GXYLT1: variants seen among roughly 807,000 people sequenced by gnomAD.
The protein encoded by GXYLT1 is glucoside xylosyltransferase 1, also known as glycosyltransferase 8 domain containing 3.
GXYLT1 carries 29 observed loss-of-function variants against 54.0 expected under a neutral mutation model. The observed-to-expected ratio is 0.54, with a 90% confidence interval of 0.40 to 0.73. The LOEUF (loss-of-function observed/expected upper bound fraction) is 0.73, where lower values mean the gene tolerates loss of function less well. GXYLT1 is among the 30% of genes least tolerant of loss of function. GXYLT1 has a pLI of 0.00. For missense variants in GXYLT1, 490 were observed against 553.4 expected, an observed-to-expected ratio of 0.89 and a Z score of 1.15; for synonymous variants, 176 against 204.1, an observed-to-expected ratio of 0.86 and a Z score of 1.17.
At chr12:42,112,472 G>A (rs2065464243) in intron 3 of GXYLT1, among the ~76,000 whole-genome samples, 1 of 152,168 alleles carries the variant, frequency 6.6e-6, no homozygotes, top group Admixed American at 6.5e-5. Context: ...TGAAAACCAA[G>A]GCATGAGAGC....
At chr12:42,133,253 G>A (rs1453994003) in intron 1 of GXYLT1, among the ~76,000 whole-genome samples, 1 of 152,104 alleles carries the variant, frequency 6.6e-6, no homozygotes, top group Non-Finnish European at 1.5e-5. Flanking sequence ...ACTCCAGCAT[G>A]GGTGACAGAG....
chr12:42,125,949 C>A (rs1050653327), intron 2 of GXYLT1, among the ~76,000 whole-genome samples: 15 of 152,108 alleles, frequency 9.9e-5, no homozygotes, highest in African/African-American at 2.7e-4. Context: ...ATCACTTGAG[C>A]CCAGGAGGTC....
intron 7 of GXYLT1, among the ~76,000 whole-genome samples, chr12:42,094,004 C>G (rs745808757): frequency 8.6e-5 from 13 of 151,862 alleles, no homozygotes; most frequent in Non-Finnish European, 1.8e-4. Flanking sequence ...TATCCTATAA[C>G]CTGTTCTGTA....
intron 1 of GXYLT1, among the ~76,000 whole-genome samples, chr12:42,135,139 C>T (rs1372027838): frequency 6.6e-6 from 1 of 152,184 alleles, no homozygotes; most frequent in East Asian, 1.9e-4. Context: ...GATACTGTGG[C>T]ATCAAAGTAG....
intron 3 of GXYLT1, among the ~76,000 whole-genome samples, chr12:42,117,378 G>T (rs2065502495): frequency 6.6e-6 from 1 of 151,466 alleles, no homozygotes; most frequent in Admixed American, 6.6e-5. Flanking sequence ...CAGTAAGAAG[G>T]TATACTTTCA....
intron 4 of GXYLT1, 24 bp from the exon 5 acceptor site, chr12:42,106,093 AT>A: frequency 6.8e-7 from 1 of 1,462,598 alleles, no homozygotes; most frequent in Non-Finnish European, 9.3e-7. Context: ...TATTTGAATG[AT>A]TAACTATAAT....
chr12:42,133,699 C>T (rs575722973), intron 1 of GXYLT1, among the ~76,000 whole-genome samples: 39 of 152,248 alleles, frequency 2.6e-4, no homozygotes, highest in Non-Finnish European at 5.4e-4. Flanking sequence ...TTTGGTAAAT[C>T]AATAAATTTT....
chr12:42,099,711 A>G (rs2065378604), intron 5 of GXYLT1, among the ~76,000 whole-genome samples: 1 of 152,170 alleles, frequency 6.6e-6, no homozygotes, highest in Admixed American at 6.5e-5. Flanking sequence ...CTAGTCACGC[A>G]TGGTGGTACA....
At chr12:42,144,291 A>G in intron 1 of GXYLT1, 135 bp downstream of exon 1, 1 of 468,036 alleles carries the variant, frequency 2.1e-6, no homozygotes, top group Non-Finnish European at 3.4e-6. Context: ...GGAAGGAGGG[A>G]AATGAGTGAG....
At chr12:42,090,824 T>G (rs1258487481) in intron 7 of GXYLT1, among the ~76,000 whole-genome samples, 1 of 152,162 alleles carries the variant, frequency 6.6e-6, no homozygotes, top group Non-Finnish European at 1.5e-5. Flanking sequence ...GAAATATAAT[T>G]CAGAATGAAA....
At chr12:42,122,095 CAAAAG>C (rs2065534879) in intron 2 of GXYLT1, among the ~76,000 whole-genome samples, 1 of 151,974 alleles carries the variant, frequency 6.6e-6, no homozygotes, top group Admixed American at 6.6e-5. Flanking sequence ...ACAATATGAA[CAAAAG>C]AAAAGTCCAT....
intron 5 of GXYLT1, among the ~76,000 whole-genome samples, chr12:42,098,278 T>C (rs780464149): frequency 6.6e-6 from 1 of 152,218 alleles, no homozygotes; most frequent in Non-Finnish European, 1.5e-5. Flanking sequence ...AAAGCGAAAG[T>C]AACTGTGTCC....
intron 3 of GXYLT1, among the ~76,000 whole-genome samples, chr12:42,113,672 C>CATCAT (rs1362593482): frequency 6.7e-6 from 1 of 150,042 alleles, no homozygotes; most frequent in African/African-American, 2.5e-5. Context: ...GACTCCCACA[C>CATCAT]AATAATGGGA....
intron 7 of GXYLT1, among the ~76,000 whole-genome samples, chr12:42,094,067 A>G (rs74694976): frequency 0.018 from 2,703 of 150,764 alleles, 80 homozygotes; most frequent in African/African-American, 0.059. Context: ...AAAAAAAAAA[A>G]GGGGGGTGTT....
At chr12:42,109,739 C>A in intron 3 of GXYLT1, 48 bp from the exon 4 acceptor site, 2 of 1,224,174 alleles carry the variant, frequency 1.6e-6, no homozygotes, top group East Asian at 2.6e-5. Context: ...TGAATTTTCT[C>A]TGTAAAATCA....
intron 7 of GXYLT1, among the ~76,000 whole-genome samples, chr12:42,095,037 T>C (rs2065348103): frequency 6.6e-6 from 1 of 152,084 alleles, no homozygotes; most frequent in South Asian, 2.1e-4. Context: ...AAATATTTCA[T>C]AAATATATAA....
rs943563976 is a variant in GXYLT1, at chr12:42,097,704, T to C, written c.989-90A>G. The C allele has an allele frequency of 1.7e-5, 21 of 1,216,488 alleles. No homozygotes were observed. In the African/African-American group the frequency reaches 2.8e-4, roughly 16 times the overall value. The allele number at this position is 1,216,488 out of a possible 1,614,324, so 75.4% of individuals were successfully genotyped here. A position where few individuals can be genotyped will look rare whatever the true frequency, so the allele number is the denominator to read the frequency against. ...AAAACTTTCAGTTAAAAAATACAGC[T>C]CTTACAAGTAAGAATTAATGAAAAA... On this transcript the variant is annotated intron_variant, in intron 6 of 7. Transcript: ENST00000398675.
chr12:42,142,980 T>G (rs1188042091), intron 1 of GXYLT1, among the ~76,000 whole-genome samples: 1 of 152,158 alleles, frequency 6.6e-6, no homozygotes, highest in Non-Finnish European at 1.5e-5. Context: ...ACATAAAACT[T>G]AACGTTTCAG....
At chr12:42,116,070 T>C (rs1223680118) in intron 3 of GXYLT1, among the ~76,000 whole-genome samples, 1 of 152,064 alleles carries the variant, frequency 6.6e-6, no homozygotes, top group Non-Finnish European at 1.5e-5. Context: ...GAAAACTGGC[T>C]AGCCATACGT....
Sources: allele counts gnomAD v4.1 joint callset (sites outside exome capture counted in the v4.1 genomes callset), GRCh38; gene constraint gnomAD v4.1.1; transcripts MANE v1.5; gene names NCBI Gene and HGNC (gene_info 2026-07-23, HGNC 2026-07-21).